The following LDB2 variants were observed in gnomAD, a reference collection of about 807,000 sequenced individuals.
LDB2 encodes LIM domain binding 2, also known as LIM domain-binding protein 2.
In LDB2, 12 loss-of-function variants were observed where a neutral mutation model predicts 44.3. That is an observed-to-expected ratio of 0.27 (90% CI 0.17 to 0.44). The LOEUF (loss-of-function observed/expected upper bound fraction) is 0.44, where lower values mean the gene tolerates loss of function less well. LDB2 is among the 20% of genes least tolerant of loss of function. The pLI, the probability that LDB2 is intolerant of heterozygous loss-of-function variation, is 1.00. For missense variants in LDB2, 344 were observed against 473.5 expected, an observed-to-expected ratio of 0.73 and a Z score of 2.54; for synonymous variants, 164 against 174.8, an observed-to-expected ratio of 0.94 and a Z score of 0.49.
chr4:16,627,112 G>T (rs1373169552), intron 2 of LDB2: 1 of 152,184 alleles, frequency 6.6e-6, no homozygotes, highest in Non-Finnish European at 1.5e-5. Context: ...CATAGTCAGG[G>T]CTTCTTGGCA....
chr4:16,582,000 G>GGAAGGAA (rs1342027468), intron 5 of LDB2, among the ~76,000 whole-genome samples: 189 of 103,882 alleles, frequency 1.8e-3, no homozygotes, highest in Middle Eastern at 0.013. Flanking sequence ...AGGGAAGGAA[G>GGAAGGAA]GGAAGGAAGG....
At chr4:16,823,193 A>C (rs1031306063) in intron 1 of LDB2, among the ~76,000 whole-genome samples, 1 of 152,232 alleles carries the variant, frequency 6.6e-6, no homozygotes, top group Non-Finnish European at 1.5e-5. Flanking sequence ...CAGTCAATAC[A>C]TCTGGGGATG....
chr4:16,748,670 C>G lies in LDB2; in HGVS notation c.235+10488G>C, dbSNP rs79662565. Among the ~76,000 whole-genome samples the G allele has an allele frequency of 5.1e-3, 779 of 152,226 alleles. 5 individuals are homozygous for G. The highest frequency in any genetic ancestry group is 0.017 in the African/African-American group (722 of 41,542). Reference sequence around the variant, plus strand: ...CACATTGGATTGTAGGGGAGGATACCTGGATTTGGCTCACTCCACTAAACC... The same window carrying G: ...CACATTGGATTGTAGGGGAGGATACGTGGATTTGGCTCACTCCACTAAACC... On this transcript the variant is annotated intron_variant, in intron 2 of 7. Transcript: ENST00000304523.
intron 2 of LDB2, among the ~76,000 whole-genome samples, chr4:16,638,142 T>C (rs768541137): frequency 9.2e-5 from 14 of 152,138 alleles, no homozygotes; most frequent in African/African-American, 1.4e-4. Context: ...TGAAGAGTCA[T>C]GAGAATGCAA....
chr4:16,854,520 C>T (rs1788937003), intron 1 of LDB2, among the ~76,000 whole-genome samples: 1 of 150,736 alleles, frequency 6.6e-6, no homozygotes, highest in Non-Finnish European at 1.5e-5. Flanking sequence ...CACACACACA[C>T]ACACACACAC....
At chr4:16,854,784 C>T (rs1187524635) in intron 1 of LDB2, among the ~76,000 whole-genome samples, 2 of 151,410 alleles carry the variant, frequency 1.3e-5, no homozygotes, top group African/African-American at 4.8e-5. Flanking sequence ...GTGATATACG[C>T]TATATTAATG....
chr4:16,601,236 T>C (rs1722497138), intron 2 of LDB2, among the ~76,000 whole-genome samples: 1 of 152,196 alleles, frequency 6.6e-6, no homozygotes, highest in South Asian at 2.1e-4. Context: ...TAGGTGGGAC[T>C]CTAAGCTCTT....
chr4:16,597,334 A>G (rs932460770), intron 2 of LDB2, among the ~76,000 whole-genome samples: 1 of 152,166 alleles, frequency 6.6e-6, no homozygotes, highest in Admixed American at 6.5e-5. Context: ...CGGTGATTCC[A>G]TCCTAGATAA....
intron 2 of LDB2, among the ~76,000 whole-genome samples, chr4:16,719,771 A>C (rs1427184133): frequency 6.6e-6 from 1 of 152,054 alleles, no homozygotes; most frequent in Non-Finnish European, 1.5e-5. Context: ...TTTTTATCCC[A>C]TAATTATGCA....
chr4:16,834,709 C>G (rs1157000453), intron 1 of LDB2, among the ~76,000 whole-genome samples: 1 of 152,072 alleles, frequency 6.6e-6, no homozygotes, highest in African/African-American at 2.4e-5. Context: ...TGCGTGTAAT[C>G]CCCTCTACTG....
chr4:16,718,295 T>C (rs1035118059), intron 2 of LDB2, among the ~76,000 whole-genome samples: 3 of 152,088 alleles, frequency 2.0e-5, no homozygotes, highest in Non-Finnish European at 4.4e-5. Flanking sequence ...TATAATTATA[T>C]ATGTAACCTA....
At chr4:16,539,951 AATTG>A (rs1733184023) in intron 5 of LDB2, among the ~76,000 whole-genome samples, 3 of 152,186 alleles carry the variant, frequency 2.0e-5, no homozygotes, top group Admixed American at 1.3e-4. Flanking sequence ...AAAGAGGTTT[AATTG>A]ATTAACAGTT....
At chr4:16,866,184 T>G (rs901226250) in intron 1 of LDB2, among the ~76,000 whole-genome samples, 1 of 152,006 alleles carries the variant, frequency 6.6e-6, no homozygotes, top group Non-Finnish European at 1.5e-5. Flanking sequence ...AAACAATCAG[T>G]ACACAAAAAG....
chr4:16,800,659 C>T (rs966318237), intron 1 of LDB2, among the ~76,000 whole-genome samples: 4 of 152,052 alleles, frequency 2.6e-5, no homozygotes, highest in Non-Finnish European at 2.9e-5. Context: ...GAATAGAAGA[C>T]GTTTCTTTGT....
chr4:16,843,257 A>T (rs1285200564), intron 1 of LDB2, among the ~76,000 whole-genome samples: 1 of 152,234 alleles, frequency 6.6e-6, no homozygotes, highest in African/African-American at 2.4e-5. Flanking sequence ...AAATAACGTT[A>T]TAATACATGT....
chr4:16,852,913 G>A (rs1788575048), intron 1 of LDB2, among the ~76,000 whole-genome samples: 1 of 152,000 alleles, frequency 6.6e-6, no homozygotes, highest in Non-Finnish European at 1.5e-5. Context: ...AGAATTTGAA[G>A]ATAAAAAAAG....
In LDB2 at chr4:16,595,777, G is replaced by T. The variant is rs1720708635; in HGVS notation, c.334C>A (p.His112Asn). ...YILKHSKESY[H>N]NSSITVDCDQ... Reference sequence around the variant, plus strand: ...CAGTCCACCGTGATGGATGAGTTGTGGTATGACTCTTTCGAGTGTTTGAGA... The same window carrying T: ...CAGTCCACCGTGATGGATGAGTTGTTGTATGACTCTTTCGAGTGTTTGAGA... The change falls in exon 3 of 8, where the codon CAC becomes AAC. Residue 112 changes from histidine (H) to asparagine (N), a missense_variant. By Grantham distance (68) the His-to-Asn change is moderately conservative (BLOSUM62 1). Transcript: ENST00000304523. 6.2e-7 allele frequency: 1 copy of T among 1,613,786 alleles called. No individual in the cohort carries two copies. Among genetic ancestry groups the T allele is most frequent in the African/African-American group, 1.3e-5 (1 of 74,934 alleles).
At chr4:16,847,768 CA>C (rs1787364345) in intron 1 of LDB2, among the ~76,000 whole-genome samples, 1 of 152,206 alleles carries the variant, frequency 6.6e-6, no homozygotes, top group South Asian at 2.1e-4. Flanking sequence ...AGGCGCCCGC[CA>C]CAGTGCCCAG....
intron 1 of LDB2, among the ~76,000 whole-genome samples, chr4:16,818,756 A>G (rs940517959): frequency 2.6e-5 from 4 of 152,142 alleles, no homozygotes; most frequent in African/African-American, 9.7e-5. Flanking sequence ...AGTTGTATAT[A>G]TTTTTTCTCT....
Sources: allele counts gnomAD v4.1 joint callset (sites outside exome capture counted in the v4.1 genomes callset), GRCh38; gene constraint gnomAD v4.1.1; transcripts MANE v1.5; gene names NCBI Gene and HGNC (gene_info 2026-07-23, HGNC 2026-07-21).